Variants in FCHSD2 observed in about 807,000 individuals in gnomAD.
FCHSD2 encodes the protein F-BAR and double SH3 domains protein 2.
FCHSD2 carries 38 observed loss-of-function variants against 108.1 expected under a neutral mutation model. The observed-to-expected ratio is 0.35, with a 90% CI of 0.27 to 0.46. The LOEUF (loss-of-function observed/expected upper bound fraction) is 0.46. Among genes scored for constraint, FCHSD2 ranks in the 20% least tolerant of loss-of-function variants. The pLI is 1.00. For missense variants in FCHSD2, 751 were observed against 897.8 expected, an observed-to-expected ratio of 0.84 and a Z score of 2.09; for synonymous variants, 279 against 314.7, an observed-to-expected ratio of 0.89 and a Z score of 1.20.
At chr11:72,932,739 T>C (rs1349928299) in intron 8 of FCHSD2, among the ~76,000 whole-genome samples, 3 of 152,230 alleles carry the variant, frequency 2.0e-5, no homozygotes, top group African/African-American at 7.2e-5. Flanking sequence ...TGTATGTCCC[T>C]CTTTTTGTTT....
chr11:72,979,767 A>G (rs2135393887), intron 8 of FCHSD2, among the ~76,000 whole-genome samples: 1 of 152,334 alleles, frequency 6.6e-6, no homozygotes, highest in Non-Finnish European at 1.5e-5. Context: ...CAAGAAAAAA[A>G]TAAGACATAT....
intron 2 of FCHSD2, among the ~76,000 whole-genome samples, chr11:73,133,648 T>C (rs1861054116): frequency 6.6e-6 from 1 of 151,900 alleles, no homozygotes; most frequent in Admixed American, 6.6e-5. Flanking sequence ...ATTGAAAAAT[T>C]AGCTGGGTAC....
intron 8 of FCHSD2, chr11:72,941,016 G>C (rs898310118): frequency 6.2e-5 from 46 of 736,142 alleles, no homozygotes; most frequent in African/African-American, 3.1e-4. Context: ...AGAGCCATGG[G>C]CTTGGAAAGG....
chr11:73,071,244 A>G (rs1350803945), intron 3 of FCHSD2, among the ~76,000 whole-genome samples: 1 of 152,166 alleles, frequency 6.6e-6, no homozygotes, highest in Non-Finnish European at 1.5e-5. Context: ...AACTAGTCAA[A>G]TTCAATTCAC....
intron 2 of FCHSD2, among the ~76,000 whole-genome samples, chr11:73,122,931 C>T (rs1432048307): frequency 1.3e-5 from 2 of 152,086 alleles, no homozygotes; most frequent in Non-Finnish European, 2.9e-5. Context: ...TACTCTACAA[C>T]GCAGTTACAT....
At chr11:72,938,418 GAGACC>G (rs1179856050) in intron 8 of FCHSD2, among the ~76,000 whole-genome samples, 1 of 152,198 alleles carries the variant, frequency 6.6e-6, no homozygotes, top group Non-Finnish European at 1.5e-5. Context: ...TTCAAAGATT[GAGACC>G]AGAAGGGTCT....
At chr11:72,959,218 G>C (rs1325707763) in intron 8 of FCHSD2, among the ~76,000 whole-genome samples, 2 of 61,566 alleles carry the variant, frequency 3.2e-5, no homozygotes, top group African/African-American at 1.3e-4. Flanking sequence ...ATATCCAGCA[G>C]TCTTTTTTTT....
intron 8 of FCHSD2, among the ~76,000 whole-genome samples, chr11:72,963,581 C>T (rs536108895): frequency 1.3e-5 from 2 of 152,254 alleles, no homozygotes; most frequent in East Asian, 3.9e-4. Flanking sequence ...CCAACCTTTT[C>T]GGCACCAGGG....
chr11:73,050,336 C>T (rs1034303399), intron 3 of FCHSD2, among the ~76,000 whole-genome samples: 1 of 152,048 alleles, frequency 6.6e-6, no homozygotes, highest in African/African-American at 2.4e-5. Flanking sequence ...TTAAGCAATT[C>T]AACAATATGT....
chr11:73,069,518 A>G (rs1859382755), intron 3 of FCHSD2, among the ~76,000 whole-genome samples: 1 of 152,098 alleles, frequency 6.6e-6, no homozygotes, highest in Non-Finnish European at 1.5e-5. Flanking sequence ...CTAACAAAGC[A>G]ATGGATAAGA....
At chr11:72,969,034 C>T (rs1856963588) in intron 8 of FCHSD2, among the ~76,000 whole-genome samples, 2 of 152,168 alleles carry the variant, frequency 1.3e-5, no homozygotes, top group Non-Finnish European at 2.9e-5. Flanking sequence ...TATGCTACTA[C>T]CTTTCATATA....
intron 8 of FCHSD2, chr11:72,941,107 C>G (rs1856408593): frequency 9.6e-6 from 5 of 522,012 alleles, no homozygotes; most frequent in Non-Finnish European, 1.7e-5. Flanking sequence ...CCACTGTTAC[C>G]ACTAATATAA....
intron 8 of FCHSD2, among the ~76,000 whole-genome samples, chr11:72,983,550 C>A (rs557580827): frequency 5.3e-4 from 81 of 152,126 alleles, no homozygotes; most frequent in African/African-American, 2.0e-3. Flanking sequence ...AAAATTCAGG[C>A]TAAGAGATAC....
Position 73,037,386 on chromosome 11 carries a change from T to C in FCHSD2, c.166-21501A>G, listed in dbSNP as rs553747964. Among the ~76,000 whole-genome samples the C allele has an allele frequency of 2.9e-3, 446 of 152,300 alleles. 2 individuals carry two copies. The highest frequency in any genetic ancestry group is 0.01 in the African/African-American group (434 of 41,562). Reference sequence around the variant, plus strand: ...TGACATATCCATCATTACAGTATCATAGGGAGTTATTTTCACTGCCCTAAA... The same window carrying C: ...TGACATATCCATCATTACAGTATCACAGGGAGTTATTTTCACTGCCCTAAA... On this transcript the variant is annotated intron_variant, in intron 3 of 19. Transcript: ENST00000409418.
intron 8 of FCHSD2, among the ~76,000 whole-genome samples, chr11:72,959,853 G>GGGGGGTGT (rs375788859): frequency 6.9e-6 from 1 of 145,810 alleles, no homozygotes; most frequent in East Asian, 2.0e-4. Context: ...AAGTTTCTAG[G>GGGGGGTGT]GTGTGTGTGT....
intron 13 of FCHSD2, among the ~76,000 whole-genome samples, chr11:72,867,578 G>A (rs1372405902): frequency 6.6e-6 from 1 of 151,770 alleles, no homozygotes; most frequent in African/African-American, 2.4e-5. Context: ...TTCCAGACAC[G>A]AAGCATATTT....
At chr11:72,940,311 T>C (rs1415671282) in intron 8 of FCHSD2, among the ~76,000 whole-genome samples, 1 of 152,196 alleles carries the variant, frequency 6.6e-6, no homozygotes, top group Non-Finnish European at 1.5e-5. Flanking sequence ...TTACAAAGCA[T>C]GTTAGTATTT....
rs564879535 is a variant in FCHSD2, at chr11:72,879,134, C to CA, written c.1146+8335dup. 4.6e-4 allele frequency among the ~76,000 whole-genome samples: 69 copies of CA among 150,116 alleles called. No homozygotes were observed. In the South Asian group the frequency reaches 5.7e-3, roughly 12 times the overall value. Reference sequence around the variant, plus strand: ...TCAAAAACAAAACAAAACAAAAAAACAAAAAAAAAGATATTACAACTCTAT... The same window carrying CA: ...TCAAAAACAAAACAAAACAAAAAAACAAAAAAAAAAGATATTACAACTCTAT... On this transcript the variant is annotated intron_variant, in intron 12 of 19. Transcript: ENST00000409418.
chr11:72,948,590 AG>A (rs1856563348), intron 8 of FCHSD2, among the ~76,000 whole-genome samples: 1 of 152,236 alleles, frequency 6.6e-6, no homozygotes, highest in Non-Finnish European at 1.5e-5. Flanking sequence ...TATCAATAAT[AG>A]AATATGAGTG....
Sources: allele counts gnomAD v4.1 joint callset (sites outside exome capture counted in the v4.1 genomes callset), GRCh38; gene constraint gnomAD v4.1.1; transcripts MANE v1.5; gene names NCBI Gene and HGNC (gene_info 2026-07-23, HGNC 2026-07-21).